The following SCGN variants were observed in gnomAD, a reference collection of about 807,000 sequenced individuals.
SCGN encodes the protein secretagogin, EF-hand calcium binding protein, also known as secretagogin.
Under a neutral mutation model 39.7 loss-of-function variants are expected in SCGN, and 30 were observed. The observed-to-expected ratio is 0.76, with a 90% CI of 0.57 to 1.03. The LOEUF (loss-of-function observed/expected upper bound fraction) is 1.03, where lower values mean the gene tolerates loss of function less well. SCGN is among the 50% of genes least tolerant of loss of function. The pLI, the probability that SCGN is intolerant of heterozygous loss-of-function variation, is 0.00. For missense variants in SCGN, 353 were observed against 349.4 expected, an observed-to-expected ratio of 1.01 and a Z score of -0.08; for synonymous variants, 106 against 114.1, an observed-to-expected ratio of 0.93 and a Z score of 0.45.
intron 10 of SCGN, among the ~76,000 whole-genome samples, chr6:25,698,909 C>T (rs958056453): frequency 6.6e-6 from 1 of 152,162 alleles, no homozygotes; most frequent in Non-Finnish European, 1.5e-5. Flanking sequence ...CTATTTTAAA[C>T]CTGCTATCAA....
intron 4 of SCGN, 87 bp from the exon 5 acceptor site, chr6:25,669,424 T>A (rs1759460136): frequency 8.5e-7 from 1 of 1,178,638 alleles, no homozygotes; most frequent in Non-Finnish European, 1.3e-6. Context: ...TTAAGTACTG[T>A]TTTCAGATGC....
rs1306415186 is a variant in SCGN, at chr6:25,693,442, A to T, written c.702+2318A>T. 4.4e-5 allele frequency among the ~76,000 whole-genome samples: 5 copies of T among 113,394 alleles called. No individual in the cohort carries two copies. The South Asian group carries it at 9.4e-4, about 21-fold the overall frequency. 74.4% of individuals were successfully genotyped at this position (113,394 alleles called of 152,430 possible). On this transcript the variant is annotated intron_variant, in intron 10 of 10. Coordinates refer to ENST00000377961, the MANE Select transcript of SCGN (RefSeq NM_006998.4). Reference sequence around the variant, plus strand: ...ACTCCAGCCTGGGCAACAGAGCGAGACTCCGTCTCAAAAAAAAAAAAAAAA... The same window carrying T: ...ACTCCAGCCTGGGCAACAGAGCGAGTCTCCGTCTCAAAAAAAAAAAAAAAA...
intron 10 of SCGN, among the ~76,000 whole-genome samples, chr6:25,692,198 A>T (rs1367910610): frequency 6.6e-6 from 1 of 152,246 alleles, no homozygotes; most frequent in Non-Finnish European, 1.5e-5. Context: ...ATTGATTGCT[A>T]GAGGAAAATC....
chr6:25,688,095 CA>C (rs1759727911), intron 7 of SCGN, among the ~76,000 whole-genome samples: 1 of 152,064 alleles, frequency 6.6e-6, no homozygotes, highest in Admixed American at 6.6e-5. Flanking sequence ...AATCAGAAAG[CA>C]AAAAAGTTAC....
At chr6:25,665,457 G>A (rs981026469) in intron 4 of SCGN, among the ~76,000 whole-genome samples, 1 of 152,158 alleles carries the variant, frequency 6.6e-6, no homozygotes, top group Non-Finnish European at 1.5e-5. Flanking sequence ...AGTTTTGAAG[G>A]CATGATGATA....
At chr6:25,675,354 G>A (rs1759549901) in intron 6 of SCGN, among the ~76,000 whole-genome samples, 1 of 152,216 alleles carries the variant, frequency 6.6e-6, no homozygotes, top group Admixed American at 6.5e-5. Flanking sequence ...TAGGAGATAA[G>A]CCCGTGCCCA....
At chr6:25,699,589 CAAAAA>C (rs35915067) in intron 10 of SCGN, among the ~76,000 whole-genome samples, 3 of 53,826 alleles carry the variant, frequency 5.6e-5, no homozygotes, top group East Asian at 6.3e-4. Flanking sequence ...AACTCTGTCT[CAAAAA>C]AAAAAAAAAA....
At chr6:25,666,679 G>A (rs997608683) in intron 4 of SCGN, among the ~76,000 whole-genome samples, 5 of 152,008 alleles carry the variant, frequency 3.3e-5, no homozygotes, top group Non-Finnish European at 7.4e-5. Flanking sequence ...ATGACATGAA[G>A]GAAATGCTAT....
chr6:25,662,480 T>A (rs1238305246), intron 3 of SCGN, among the ~76,000 whole-genome samples: 1 of 152,178 alleles, frequency 6.6e-6, no homozygotes, highest in African/African-American at 2.4e-5. Flanking sequence ...AACTAAGATA[T>A]TTTTTCATAG....
Position 25,681,953 on chromosome 6 carries a change from GA to G in SCGN, c.476del (p.Lys159ArgfsTer13). 1 of 1,612,992 alleles carries G rather than the reference GA, an allele frequency of 6.2e-7. No homozygotes were observed. Among genetic ancestry groups the G allele is most frequent in the South Asian group, 1.1e-5 (1 of 91,054 alleles). ...KLEEYTGTMMKIFDRNKDGRL... is the reference protein window; with the variant it reads ...KLEEYTGTMMXIFDRNKDGRL... ...CCATTTTCCCTTCTGCATTTCAGAT[GA>G]AGATTTTTGACAGAAATAAAGATGG... is the stretch of plus-strand genomic sequence containing the variant. On this transcript the variant is annotated frameshift_variant, in exon 7 of 11. Transcript: ENST00000377961. LOFTEE classifies it high-confidence loss of function.
intron 10 of SCGN, among the ~76,000 whole-genome samples, chr6:25,693,377 G>C (rs376414823): frequency 1.4e-4 from 21 of 150,666 alleles, no homozygotes; most frequent in African/African-American, 4.9e-4. Flanking sequence ...GTGTGAACCT[G>C]GGAGGCAGAG....
In SCGN at chr6:25,670,010, A is replaced by G; in HGVS notation, c.405A>G (p.Arg135=). The part of the protein sequence containing the change: ...ISAAELRNFL[R]DLFLHHKKAI... ...TCTTGGCGCCACAGAACTTCCTCCG[A>G]GACCTCTTTCTTCACCACAAAAAGG... Residue 135 remains arginine (R), a synonymous_variant, in exon 6 of 11, where the codon CGA becomes CGG. Transcript: ENST00000377961. 1 of 1,613,746 alleles carries G rather than the reference A, an allele frequency of 6.2e-7. No individual in the cohort carries two copies. The highest frequency in any genetic ancestry group is 1.1e-5 in the South Asian group (1 of 91,054).
intron 8 of SCGN, 51 bp downstream of exon 8, chr6:25,689,268 C>A (rs772532235): frequency 1.3e-5 from 18 of 1,352,850 alleles, no homozygotes; most frequent in Admixed American, 1.9e-5. Context: ...TGTTTCTCTA[C>A]GGATTTGAGC....
intron 6 of SCGN, among the ~76,000 whole-genome samples, chr6:25,670,582 C>T (rs1240271377): frequency 1.3e-5 from 2 of 152,198 alleles, no homozygotes; most frequent in Non-Finnish European, 2.9e-5. Flanking sequence ...ATTTACTTCT[C>T]CTATAAAATG....
At chr6:25,693,128 T>C (rs552974515) in intron 10 of SCGN, among the ~76,000 whole-genome samples, 17 of 152,280 alleles carry the variant, frequency 1.1e-4, no homozygotes, top group Admixed American at 5.9e-4. Flanking sequence ...TATCAAATGA[T>C]TTCCAAAAAT....
intron 6 of SCGN, among the ~76,000 whole-genome samples, chr6:25,674,697 A>G (rs1484133737): frequency 6.6e-6 from 1 of 152,214 alleles, no homozygotes; most frequent in Non-Finnish European, 1.5e-5. Context: ...AAGCATGACT[A>G]ATGAGTGAGT....
chr6:25,683,085 CT>C (rs909460254), intron 7 of SCGN, among the ~76,000 whole-genome samples: 1 of 152,134 alleles, frequency 6.6e-6, no homozygotes, highest in African/African-American at 2.4e-5. Context: ...TCCTTGGCTA[CT>C]TTTTTTAGGA....
At chr6:25,667,494 C>G (rs1385325874) in intron 4 of SCGN, among the ~76,000 whole-genome samples, 1 of 152,192 alleles carries the variant, frequency 6.6e-6, no homozygotes, top group Non-Finnish European at 1.5e-5. Flanking sequence ...CACTATAACT[C>G]TTACCCACCA....
rs151095576 is a variant in SCGN at position 25,672,583 on chromosome 6, G to A, written c.471+2507G>A. The stretch of plus-strand genomic sequence containing the variant: ...AGCGCACTTGGGATTTTTAAGAACA[G>A]GGAGAAACCAGCATGGCTGGAGCAG... On this transcript the variant is annotated intron_variant, in intron 6 of 10. Transcript: ENST00000377961. 3.1e-3 allele frequency among the ~76,000 whole-genome samples: 475 copies of A among 152,286 alleles called. 12 individuals carry two copies. The East Asian group carries it at 0.061, about 20-fold the overall frequency.
Sources: allele counts gnomAD v4.1 joint callset (sites outside exome capture counted in the v4.1 genomes callset), GRCh38; gene constraint gnomAD v4.1.1; transcripts MANE v1.5; gene names NCBI Gene and HGNC (gene_info 2026-07-23, HGNC 2026-07-21).